Variants in CYP7B1 observed in about 807,000 individuals in gnomAD.
CYP7B1 encodes cytochrome P450 7B1.
Under a neutral mutation model 42.7 loss-of-function variants are expected in CYP7B1, and 29 were observed. That is an observed-to-expected ratio of 0.68 (90% confidence interval 0.51 to 0.93). The LOEUF is 0.93. CYP7B1 is among the 40% of genes least tolerant of loss of function. The probability of loss-of-function intolerance (pLI) is 0.00; values close to 1 mark genes in which losing one functional copy is unlikely to be tolerated. For synonymous variants in CYP7B1, 235 were observed against 218.2 expected (o/e 1.08, Z -0.68); for missense variants, 655 against 600.5 (o/e 1.09, Z -0.95).
chr8:64,710,159 C>T (rs1351864688), intron 1 of CYP7B1, among the ~76,000 whole-genome samples: 2 of 152,300 alleles, frequency 1.3e-5, no homozygotes, highest in South Asian at 2.1e-4. Context: ...TCCTAGCCTA[C>T]CAGTTGTTGC....
At chr8:64,687,920 G>C (rs1806681311) in intron 1 of CYP7B1, among the ~76,000 whole-genome samples, 1 of 152,160 alleles carries the variant, frequency 6.6e-6, no homozygotes, top group Non-Finnish European at 1.5e-5. Flanking sequence ...ACCTAAGGTT[G>C]TCTGCAAGAT....
At position 64,798,469 on chromosome 8, in the gene CYP7B1, G is replaced by C; in HGVS notation, c.119C>G (p.Thr40Ser). 6.6e-7 allele frequency: 1 copy of C among 1,512,120 alleles called. No homozygotes were observed. The allele number at this position is 1,512,120 out of a possible 1,614,324, so 93.7% of individuals were successfully genotyped here. ...GCCTGGCGGCCGAGGCGCTTACCTG[G>C]TGCGCCGGACAAGCAAGCAGAGGGC... is the stretch of plus-strand genomic sequence containing the variant. ...LLALCLLVRRTRRPGEPPLIK... is the reference protein window; with the variant it reads ...LLALCLLVRRSRRPGEPPLIK... Residue 40 changes from threonine (T) to serine (S), a missense_variant, in exon 1 of 6, where the codon ACC becomes AGC. Thr to Ser is a moderately conservative substitution (Grantham distance 58). Coordinates refer to ENST00000310193, the MANE Select transcript of CYP7B1 (RefSeq NM_004820.5).
intron 1 of CYP7B1, among the ~76,000 whole-genome samples, chr8:64,641,213 C>A (rs1438386612): frequency 6.6e-6 from 1 of 152,136 alleles, no homozygotes; most frequent in African/African-American, 2.4e-5. Flanking sequence ...AGTGTGGTAG[C>A]TAAAGGGTTT....
At chr8:64,670,334 T>C (rs1409528956) in intron 1 of CYP7B1, among the ~76,000 whole-genome samples, 1 of 152,224 alleles carries the variant, frequency 6.6e-6, no homozygotes, top group Non-Finnish European at 1.5e-5. Flanking sequence ...GGTAAAATTA[T>C]GTAAAGTCTT....
intron 1 of CYP7B1, among the ~76,000 whole-genome samples, chr8:64,649,407 A>C (rs1019582170): frequency 6.6e-6 from 1 of 152,224 alleles, no homozygotes; most frequent in Admixed American, 6.5e-5. Context: ...TTTTAAGGCT[A>C]TATAACATTC....
chr8:64,693,740 C>A (rs1806783128), intron 1 of CYP7B1, among the ~76,000 whole-genome samples: 1 of 152,070 alleles, frequency 6.6e-6, no homozygotes, highest in Non-Finnish European at 1.5e-5. Flanking sequence ...AAATGGAGAA[C>A]CATGCAATAT....
At chr8:64,605,426 G>T (rs553699090) in intron 4 of CYP7B1, among the ~76,000 whole-genome samples, 2 of 152,242 alleles carry the variant, frequency 1.3e-5, no homozygotes, top group East Asian at 3.9e-4. Flanking sequence ...GGATTCAGAA[G>T]AAAACCACAT....
intron 1 of CYP7B1, among the ~76,000 whole-genome samples, chr8:64,694,855 C>A (rs1445961666): frequency 1.3e-5 from 2 of 152,064 alleles, no homozygotes; most frequent in Non-Finnish European, 2.9e-5. Context: ...CTACCTGTAT[C>A]AAAATGTAGG....
chr8:64,626,498 G>T (rs1209014819), intron 1 of CYP7B1, among the ~76,000 whole-genome samples: 1 of 152,124 alleles, frequency 6.6e-6, no homozygotes, highest in African/African-American at 2.4e-5. Flanking sequence ...TTTTGATTTA[G>T]TCTTTCATAA....
intron 4 of CYP7B1, among the ~76,000 whole-genome samples, chr8:64,611,770 T>C (rs1410978601): frequency 2.0e-5 from 3 of 152,162 alleles, no homozygotes; most frequent in Non-Finnish European, 4.4e-5. Context: ...GTGGCAGTTC[T>C]GATTTACCTT....
rs1461334376 is a variant in CYP7B1 at position 64,593,289 on chromosome 8, T to G, written c.*3353A>C. ...TGTGTGTGTGTGTGTGTGTGTGTAA[T>G]CCAAGGCCTTTGCATAAAGCCAAGA... On this transcript the variant is annotated 3_prime_UTR_variant, in exon 6 of 6. Transcript: ENST00000310193. 7.4e-6 allele frequency among the ~76,000 whole-genome samples: 1 copy of G among 135,814 alleles called. No homozygotes were observed. 89.1% of individuals were successfully genotyped at this position (135,814 alleles called of 152,430 possible).
In CYP7B1 at chr8:64,595,844, G is replaced by A. The variant is rs1305194234; in HGVS notation, c.*798C>T. 6.6e-6 allele frequency among the ~76,000 whole-genome samples: 1 copy of A among 152,182 alleles called. No individual in the cohort carries two copies. Among genetic ancestry groups the A allele is most frequent in the African/African-American group, 2.4e-5 (1 of 41,438 alleles). ...CATAACCTGTATAGTTTATACTAAA[G>A]CCAAATGATATAATCAATGCTGTAA... On this transcript the variant is annotated 3_prime_UTR_variant, in exon 6 of 6. Coordinates refer to ENST00000310193, the MANE Select transcript of CYP7B1 (RefSeq NM_004820.5).
chr8:64,700,111 C>T (rs1806891241), intron 1 of CYP7B1, among the ~76,000 whole-genome samples: 1 of 152,108 alleles, frequency 6.6e-6, no homozygotes, highest in African/African-American at 2.4e-5. Flanking sequence ...GTGGGGACGA[C>T]GCATAGAATT....
chr8:64,741,692 C>T (rs1368725664), intron 1 of CYP7B1, among the ~76,000 whole-genome samples: 2 of 152,210 alleles, frequency 1.3e-5, no homozygotes, highest in Non-Finnish European at 2.9e-5. Flanking sequence ...CAGGAAATTA[C>T]TCTCATACAT....
intron 1 of CYP7B1, among the ~76,000 whole-genome samples, chr8:64,719,469 T>C (rs1807206267): frequency 6.6e-6 from 1 of 152,222 alleles, no homozygotes; most frequent in Non-Finnish European, 1.5e-5. Flanking sequence ...CTAGGACAGA[T>C]TGCTGCTTGT....
chr8:64,673,889 A>G (rs1466700443), intron 1 of CYP7B1, among the ~76,000 whole-genome samples: 2 of 152,144 alleles, frequency 1.3e-5, no homozygotes, highest in African/African-American at 4.8e-5. Context: ...ATGAGAGATG[A>G]GTGATGACTG....
chr8:64,597,002 G>T lies in CYP7B1; in HGVS notation c.1234-73C>A, dbSNP rs1805129502. 4 of 1,339,912 alleles carry T rather than the reference G, an allele frequency of 3.0e-6. No homozygotes were observed. In the East Asian group the frequency reaches 7.2e-5, roughly 24 times the overall value. 83.0% of individuals were successfully genotyped at this position (1,339,912 alleles called of 1,614,324 possible). A position where few individuals can be genotyped will look rare whatever the true frequency, so the allele number is the denominator to read the frequency against. ...TGAGTTCAAGTCCACAAAGTTGCTA[G>T]CTCTCTCTGCCTGTCTTAAAAAGCT... On this transcript the variant is annotated intron_variant, in intron 5 of 5. Transcript: ENST00000310193.
Position 64,794,313 on chromosome 8 carries a change from AAG to A in CYP7B1, c.122+4151_122+4152del, listed in dbSNP as rs552939853. On this transcript the variant is annotated intron_variant, in intron 1 of 5. Transcript: ENST00000310193. ...AAGCCCAGCGGAAGGGATCTGCTGG[AAG>A]TCTGCACAGAGGCTTCAGCCACTGC... 5.4e-3 allele frequency among the ~76,000 whole-genome samples: 816 copies of A among 152,334 alleles called. 8 individuals carry two copies. The highest frequency in any genetic ancestry group is 0.043 in the South Asian group (205 of 4,818).
chr8:64,764,353 A>T (rs1807939835), intron 1 of CYP7B1, among the ~76,000 whole-genome samples: 1 of 151,956 alleles, frequency 6.6e-6, no homozygotes, highest in African/African-American at 2.4e-5. Context: ...ACAACATAAT[A>T]GATCAGGATA....
Sources: gnomAD v4.1 joint callset for allele counts (sites outside exome capture counted in the v4.1 genomes callset) on GRCh38, gnomAD v4.1.1 for gene constraint, MANE v1.5 for transcripts, NCBI Gene and HGNC (gene_info 2026-07-23, HGNC 2026-07-21) for gene names.